The following VIT variants were observed in gnomAD, a reference collection of about 807,000 sequenced individuals.
The protein encoded by VIT is vitrin.
In VIT, 99 loss-of-function variants were observed where a neutral mutation model predicts 78.0. The observed-to-expected ratio is 1.27, with a 90% CI of 1.08 to 1.50. VIT has a LOEUF of 1.50. Among genes scored for constraint, VIT ranks in the 40% most tolerant of loss-of-function variants. VIT has a pLI of 0.00. For missense variants in VIT, 1,126 were observed against 875.3 expected, an observed-to-expected ratio of 1.29 and a Z score of -3.61; for synonymous variants, 374 against 334.3, an observed-to-expected ratio of 1.12 and a Z score of -1.29.
intron 2 of VIT, among the ~76,000 whole-genome samples, chr2:36,724,447 C>T (rs556895663): frequency 2.6e-5 from 4 of 152,238 alleles, no homozygotes; most frequent in South Asian, 2.1e-4. Flanking sequence ...CTCTGCTAGG[C>T]GTCCTAGGAA....
chr2:36,719,927 G>GTGA (rs1666390175), intron 2 of VIT, among the ~76,000 whole-genome samples: 1 of 152,148 alleles, frequency 6.6e-6, no homozygotes, highest in South Asian at 2.1e-4. Flanking sequence ...GGGTGACAGA[G>GTGA]TGAGGCCCTG....
intron 4 of VIT, among the ~76,000 whole-genome samples, chr2:36,754,509 G>A (rs900668404): frequency 1.3e-5 from 2 of 152,066 alleles, no homozygotes; most frequent in Non-Finnish European, 1.5e-5. Flanking sequence ...CAAAAAAAAA[G>A]GAGTGTTTAC....
At chr2:36,730,594 G>C (rs1667141307) in intron 3 of VIT, among the ~76,000 whole-genome samples, 1 of 152,220 alleles carries the variant, frequency 6.6e-6, no homozygotes, top group South Asian at 2.1e-4. Context: ...CCCAGCCGGT[G>C]GTGCCTCACC....
intron 7 of VIT, among the ~76,000 whole-genome samples, chr2:36,770,262 T>G (rs1669667879): frequency 6.6e-6 from 1 of 152,218 alleles, no homozygotes; most frequent in South Asian, 2.1e-4. Context: ...TTAGGACACC[T>G]GAAGGGTATG....
At chr2:36,803,720 G>C (rs984389748) in intron 13 of VIT, among the ~76,000 whole-genome samples, 3 of 152,182 alleles carry the variant, frequency 2.0e-5, no homozygotes, top group African/African-American at 7.2e-5. Context: ...GATAATACCA[G>C]CTAGTGGAGA....
chr2:36,808,984 G>C lies in VIT; in HGVS notation c.1902G>C (p.Lys634Asn), dbSNP rs374222107. 13 of 1,573,314 alleles carry C rather than the reference G, an allele frequency of 8.3e-6. No homozygotes were observed. In the African/African-American group the frequency reaches 1.7e-4, roughly 21 times the overall value. The change falls in exon 15 of 16, where the codon AAG becomes AAC. Residue 634 changes from lysine to asparagine, a missense_variant and splice_region_variant. Lys to Asn is a moderately conservative substitution (Grantham distance 94, BLOSUM62 0). Transcript: ENST00000379242. ...TCCCAGCCATGGCTGCCCATCTGAA[G>C]GGTAAGCTGGGCTTGCCAAGCAGCC... Reference protein sequence around the residue: ...VRIPAMAAHLKGVITYAIGVA... With the variant: ...VRIPAMAAHLNGVITYAIGVA...
At chr2:36,709,139 A>C (rs763954555) in intron 1 of VIT, among the ~76,000 whole-genome samples, 2 of 152,138 alleles carry the variant, frequency 1.3e-5, no homozygotes, top group Non-Finnish European at 2.9e-5. Context: ...GACAGAGCGA[A>C]ACTCCGTCTC....
At chr2:36,706,524 T>G (rs1311936340) in intron 1 of VIT, among the ~76,000 whole-genome samples, 1 of 152,124 alleles carries the variant, frequency 6.6e-6, no homozygotes, top group Non-Finnish European at 1.5e-5. Flanking sequence ...GGCCACACAC[T>G]TATTCTCTCC....
chr2:36,777,874 T>C (rs1181971213), intron 9 of VIT, among the ~76,000 whole-genome samples: 1 of 152,178 alleles, frequency 6.6e-6, no homozygotes, highest in Non-Finnish European at 1.5e-5. Flanking sequence ...GATAAAAATA[T>C]ATCACATGGG....
chr2:36,736,132 C>T (rs760182848), intron 3 of VIT, among the ~76,000 whole-genome samples: 5 of 152,074 alleles, frequency 3.3e-5, no homozygotes, highest in Non-Finnish European at 4.4e-5. Flanking sequence ...GCCAGAGGCA[C>T]CTTAGTGGTA....
rs537185007 is a variant in VIT at position 36,762,852 on chromosome 2, G to A, written c.487+3806G>A. On this transcript the variant is annotated intron_variant, in intron 6 of 15. Transcript: ENST00000379242. ...GAAGGCACTTTGATTTGCCCTGTGC[G>A]GCTCACACTGAGAACAGGCGTTCCC... Among the ~76,000 whole-genome samples the A allele has an allele frequency of 3.9e-5, 6 of 152,198 alleles. No homozygotes were observed. In the South Asian group the frequency reaches 6.2e-4, roughly 16 times the overall value.
At chr2:36,734,993 G>A (rs749138930) in intron 3 of VIT, among the ~76,000 whole-genome samples, 6 of 151,942 alleles carry the variant, frequency 3.9e-5, no homozygotes, top group South Asian at 2.1e-4. Context: ...ATGAAACCCC[G>A]TCTCTACTAA....
intron 3 of VIT, among the ~76,000 whole-genome samples, chr2:36,730,316 A>G (rs1005176596): frequency 1.3e-5 from 2 of 151,624 alleles, no homozygotes; most frequent in Non-Finnish European, 2.9e-5. Context: ...GAAAAAAAAG[A>G]AAATCTGGAA....
intron 4 of VIT, among the ~76,000 whole-genome samples, chr2:36,744,616 T>C (rs573676488): frequency 1.1e-4 from 16 of 152,362 alleles, no homozygotes; most frequent in Admixed American, 1.0e-3. Context: ...GCTGCTTGTA[T>C]GTTTTCTTTT....
intron 6 of VIT, among the ~76,000 whole-genome samples, chr2:36,762,273 G>T (rs1361849765): frequency 6.6e-6 from 1 of 152,176 alleles, no homozygotes; most frequent in Non-Finnish European, 1.5e-5. Flanking sequence ...AAGCATTGCT[G>T]ATGTCACTTG....
intron 14 of VIT, 138 bp downstream of exon 14, chr2:36,805,802 A>G: frequency 2.2e-6 from 2 of 927,084 alleles, no homozygotes; most frequent in Non-Finnish European, 3.2e-6. Flanking sequence ...CCAGGGAGGG[A>G]CTGGTCAATC....
At chr2:36,805,376 A>T in intron 13 of VIT, 62 bp from the exon 14 acceptor site, 5 of 1,483,330 alleles carry the variant, frequency 3.4e-6, no homozygotes, top group Non-Finnish European at 4.5e-6. Flanking sequence ...TGCTGCTGTG[A>T]TCTCTTCCTG....
At chr2:36,739,775 G>A (rs1209603420) in intron 3 of VIT, among the ~76,000 whole-genome samples, 1 of 152,186 alleles carries the variant, frequency 6.6e-6, no homozygotes, top group Non-Finnish European at 1.5e-5. Flanking sequence ...GAGAAGCGGA[G>A]CAGGTGGCCA....
Position 36,743,269 on chromosome 2 carries a change from G to A in VIT, c.275+13G>A, listed in dbSNP as rs149665991. The A allele has an allele frequency of 2.5e-6, 4 of 1,589,600 alleles. No individual in the cohort carries two copies. In the East Asian group the frequency reaches 9.0e-5, roughly 36 times the overall value. On this transcript the variant is annotated intron_variant, in intron 4 of 15. Transcript: ENST00000379242. ...CTGCCGTACACAGGTGAGTGGTTCT[G>A]AGCTACTTAATAACTAACTAGAAAT...
Sources: gnomAD v4.1 joint callset for allele counts (sites outside exome capture counted in the v4.1 genomes callset) on GRCh38, gnomAD v4.1.1 for gene constraint, MANE v1.5 for transcripts, NCBI Gene and HGNC (gene_info 2026-07-23, HGNC 2026-07-21) for gene names.